Variants in TCF7 observed in about 807,000 individuals in gnomAD.
TCF7 encodes the protein transcription factor 7, also known as T-cell-factor-7.
TCF7 carries 19 observed loss-of-function variants against 46.8 expected under a neutral mutation model. The ratio of observed to expected loss-of-function variants is 0.41; its 90% CI spans 0.28 to 0.60. TCF7 has a LOEUF of 0.60. Ranked by LOEUF, TCF7 falls within the 20% of genes least tolerant of loss-of-function variation. The probability of loss-of-function intolerance (pLI) is 0.35; values close to 1 mark genes in which losing one functional copy is unlikely to be tolerated. For missense variants in TCF7, 547 were observed against 504.6 expected, an observed-to-expected ratio of 1.08 and a Z score of -0.81; for synonymous variants, 245 against 213.4, an observed-to-expected ratio of 1.15 and a Z score of -1.29.
chr5:134,124,634 CA>C (rs1423689074), intron 3 of TCF7, among the ~76,000 whole-genome samples: 2 of 152,208 alleles, frequency 1.3e-5, no homozygotes, highest in Non-Finnish European at 2.9e-5. Context: ...ATCAGAGGAG[CA>C]GACACTCTGC....
intron 3 of TCF7, among the ~76,000 whole-genome samples, chr5:134,121,235 T>C (rs1470767826): frequency 6.6e-6 from 1 of 151,738 alleles, no homozygotes; most frequent in Non-Finnish European, 1.5e-5. Flanking sequence ...TCCTCAGTCA[T>C]GTAGAAGTCC....
At chr5:134,115,557 C>T (rs977228341) in intron 2 of TCF7, 170 bp downstream of exon 2, 11 of 1,439,810 alleles carry the variant, frequency 7.6e-6, no homozygotes, top group Non-Finnish European at 1.0e-5. Context: ...GCCGCCGGGT[C>T]GAGTCACTTC....
intron 5 of TCF7, 193 bp downstream of exon 5, chr5:134,139,231 T>C: frequency 1.3e-6 from 1 of 799,570 alleles, no homozygotes; most frequent in South Asian, 1.9e-5. Context: ...CGGCCTGCAT[T>C]CCCCAGGGAG....
Position 134,139,105 on chromosome 5 carries a change from A to G in TCF7, c.635+67A>G, listed in dbSNP as rs1353166793. On this transcript the variant is annotated intron_variant, in intron 5 of 9. Transcript: ENST00000342854. Reference sequence around the variant, plus strand: ...CAGACCAAGACCTGCCTGCCCTTCCATTTCCTCCTCCATCCCTCTTGGCTG... The same window carrying G: ...CAGACCAAGACCTGCCTGCCCTTCCGTTTCCTCCTCCATCCCTCTTGGCTG... The G allele has an allele frequency of 5.7e-6, 9 of 1,580,546 alleles. No homozygotes were observed. In the African/African-American group the frequency reaches 9.5e-5, roughly 17 times the overall value.
At chr5:134,141,675 AGG>A (rs1432500702) in intron 5 of TCF7, 2 of 152,742 alleles carry the variant, frequency 1.3e-5, no homozygotes, top group Non-Finnish European at 2.9e-5. Flanking sequence ...GGAGAAGAGA[AGG>A]GGCTAGCAAC....
upstream of TCF7, among the ~76,000 whole-genome samples, chr5:134,113,211 C>T (rs946567933): frequency 6.6e-6 from 1 of 152,214 alleles, no homozygotes; most frequent in African/African-American, 2.4e-5. Context: ...GGGCAGGGTC[C>T]CCCTCATCTC....
chr5:134,128,769 G>C (rs770577053), intron 3 of TCF7, among the ~76,000 whole-genome samples: 5 of 152,074 alleles, frequency 3.3e-5, no homozygotes, highest in Non-Finnish European at 7.4e-5. Context: ...GCCGTGGCGA[G>C]AGCACCCCAG....
chr5:134,114,090 C>T (rs1328923160), upstream of TCF7, among the ~76,000 whole-genome samples: 1 of 152,200 alleles, frequency 6.6e-6, no homozygotes, highest in Non-Finnish European at 1.5e-5. Context: ...ATAAGCTCTG[C>T]ACGCAACAGG....
intron 3 of TCF7, among the ~76,000 whole-genome samples, chr5:134,127,970 C>T (rs1757561241): frequency 6.6e-6 from 1 of 152,244 alleles, no homozygotes; most frequent in Non-Finnish European, 1.5e-5. Flanking sequence ...TTCATCTAAT[C>T]CTCACAGCAA....
Position 134,143,091 on chromosome 5 carries a change from G to T in TCF7, c.1017G>T (p.Arg339=). 1 of 1,603,940 alleles carries T rather than the reference G, an allele frequency of 6.2e-7. No individual in the cohort carries two copies. Among genetic ancestry groups the T allele is most frequent in the Non-Finnish European group, 8.5e-7 (1 of 1,175,406 alleles). The change falls in exon 8 of 10, where the codon CGG becomes CGT. Residue 339 remains arginine, a synonymous_variant. Coordinates refer to ENST00000342854, the MANE Select transcript of TCF7 (RefSeq NM_003202.5). ...AGCTATACCCAGGCTGGTCAGCGCG[G>T]GACAACTACGTGAGTGCCTAGTGAC... ...HMQLYPGWSA[R]DNYGKKKRRS...
upstream of TCF7, among the ~76,000 whole-genome samples, chr5:134,114,343 C>T (rs1015849297): frequency 6.6e-6 from 1 of 152,140 alleles, no homozygotes; most frequent in African/African-American, 2.4e-5. Flanking sequence ...GTTCACACCA[C>T]GGCTGCGATG....
chr5:134,116,235 T>C (rs1755826363), intron 3 of TCF7: 6 of 1,214,816 alleles, frequency 4.9e-6, no homozygotes. Context: ...GGCACCCCCC[T>C]GCCCTCTGCC....
upstream of TCF7, among the ~76,000 whole-genome samples, chr5:134,113,995 G>A (rs1412262206): frequency 6.6e-6 from 1 of 152,222 alleles, no homozygotes; most frequent in Non-Finnish European, 1.5e-5. Context: ...GGACTTGGAG[G>A]ATCGGCTGAG....
At chr5:134,125,883 C>T (rs966437888) in intron 3 of TCF7, among the ~76,000 whole-genome samples, 1 of 152,244 alleles carries the variant, frequency 6.6e-6, no homozygotes, top group Non-Finnish European at 1.5e-5. Context: ...AGGGTTGACT[C>T]TTTGCCCTGC....
In TCF7 at chr5:134,142,312, A is replaced by G. The variant is rs1340389541; in HGVS notation, c.755+8A>G. 2.5e-6 allele frequency: 4 copies of G among 1,573,034 alleles called. No individual in the cohort carries two copies. In the Admixed American group the frequency reaches 7.0e-5, roughly 27 times the overall value. ...GCCCTTCGACCGCAACCTGTGAGTG[A>G]AAAGACAATGATGGCAGGGGGTGTG... is the stretch of plus-strand genomic sequence containing the variant. On this transcript the variant is annotated splice_region_variant and intron_variant, in intron 6 of 9. Transcript: ENST00000342854.
intron 3 of TCF7, among the ~76,000 whole-genome samples, chr5:134,129,004 G>A (rs1198514604): frequency 6.6e-6 from 1 of 152,260 alleles, no homozygotes; most frequent in Non-Finnish European, 1.5e-5. Flanking sequence ...GCTGCCAGCA[G>A]AAGTGCTGCC....
chr5:134,115,498 G>A (rs2149263755), intron 2 of TCF7, 111 bp downstream of exon 2: 1 of 1,490,682 alleles, frequency 6.7e-7, no homozygotes, highest in Non-Finnish European at 9.0e-7. Flanking sequence ...CCGCAGCTCA[G>A]GAGGCGGCAG....
rs1760406185 is a variant in TCF7, at chr5:134,144,652, T to C, written c.1075+1012T>C. The C allele has an allele frequency of 6.2e-6, 4 of 645,170 alleles. No individual in the cohort carries two copies. The East Asian group carries it at 8.3e-5, about 13-fold the overall frequency. The allele number at this position is 645,170 out of a possible 1,614,324, so 40.0% of individuals were successfully genotyped here. On this transcript the variant is annotated intron_variant, in intron 9 of 9. Transcript: ENST00000342854. ...GCTCCCACTGGGGCTGGCTGTGCCA[T>C]GGAGAGGCCCACTCTGCCTATGGGG...
At chr5:134,138,260 T>C in intron 4 of TCF7, 96 bp downstream of exon 4, 1 of 1,092,858 alleles carries the variant, frequency 9.2e-7, no homozygotes, top group Non-Finnish European at 1.4e-6. Context: ...ATTTTATAAC[T>C]GGAGAACCTG....
Sources: allele counts gnomAD v4.1 joint callset (sites outside exome capture counted in the v4.1 genomes callset), GRCh38; gene constraint gnomAD v4.1.1; transcripts MANE v1.5; gene names NCBI Gene and HGNC (gene_info 2026-07-23, HGNC 2026-07-21).